The following VAV3 variants were observed in gnomAD, a reference collection of about 807,000 sequenced individuals.
The protein encoded by VAV3 is vav guanine nucleotide exchange factor 3, also known as guanine nucleotide exchange factor VAV3.
VAV3 carries 94 observed loss-of-function variants against 131.2 expected under a neutral mutation model. The observed-to-expected ratio is 0.72, with a 90% CI of 0.61 to 0.85. The LOEUF is 0.85. VAV3 is among the 40% of genes least tolerant of loss of function. VAV3 has a pLI of 0.00. For synonymous variants in VAV3, 349 were observed against 342.0 expected, an observed-to-expected ratio of 1.02 and a Z score of -0.22; for missense variants, 939 against 1,002.7, an observed-to-expected ratio of 0.94 and a Z score of 0.86.
intron 2 of VAV3, among the ~76,000 whole-genome samples, chr1:107,815,665 G>C (rs144258993): frequency 1.3e-5 from 2 of 152,258 alleles, no homozygotes; most frequent in Non-Finnish European, 2.9e-5. Context: ...CTTCTTTAAA[G>C]AAGATAGGAT....
chr1:107,879,855 T>A (rs966111056), intron 1 of VAV3, among the ~76,000 whole-genome samples: 1 of 152,050 alleles, frequency 6.6e-6, no homozygotes, highest in Non-Finnish European at 1.5e-5. Flanking sequence ...CATATAAGAG[T>A]TGCCAAGTAA....
At chr1:107,639,482 A>C (rs991539623) in intron 20 of VAV3, among the ~76,000 whole-genome samples, 3 of 152,194 alleles carry the variant, frequency 2.0e-5, no homozygotes, top group Admixed American at 2.0e-4. Flanking sequence ...AAATAATAAA[A>C]AAATGCATGG....
intron 4 of VAV3, among the ~76,000 whole-genome samples, chr1:107,773,853 A>C (rs987213045): frequency 2.0e-5 from 3 of 152,124 alleles, no homozygotes; most frequent in Non-Finnish European, 4.4e-5. Flanking sequence ...AAATGATGAA[A>C]AAACAGGTTC....
At chr1:107,885,048 G>T (rs992966109) in intron 1 of VAV3, among the ~76,000 whole-genome samples, 1 of 152,044 alleles carries the variant, frequency 6.6e-6, no homozygotes, top group South Asian at 2.1e-4. Flanking sequence ...AAGCATGGAG[G>T]GTATCTAGGC....
chr1:107,919,825 A>G (rs1159958719), intron 1 of VAV3, among the ~76,000 whole-genome samples: 1 of 152,196 alleles, frequency 6.6e-6, no homozygotes, highest in African/African-American at 2.4e-5. Context: ...AAGAACAGAA[A>G]GAAAATTAAT....
In VAV3 at chr1:107,631,654, A is replaced by T. The variant is rs879662146; in HGVS notation, c.1914+10965T>A. Among the ~76,000 whole-genome samples the T allele has an allele frequency of 9.6e-3, 1,068 of 110,830 alleles. 13 individuals carry two copies. Among genetic ancestry groups the T allele is most frequent in the East Asian group, 0.02 (69 of 3,476 alleles). The allele number at this position is 110,830 out of a possible 152,430, so 72.7% of individuals were successfully genotyped here. ...CCCCCCACCCCACAACAGGCCCCAG[A>T]GTGTGATGTTCCCCTTCCTGTGTCC... On this transcript the variant is annotated intron_variant, in intron 20 of 26. Coordinates refer to ENST00000370056, the MANE Select transcript of VAV3 (RefSeq NM_006113.5).
intron 15 of VAV3, among the ~76,000 whole-genome samples, chr1:107,738,485 CAT>C (rs1397095621): frequency 6.6e-6 from 1 of 152,192 alleles, no homozygotes; most frequent in Non-Finnish European, 1.5e-5. Context: ...ATGCACAATA[CAT>C]AGTCTTATTC....
chr1:107,654,812 A>C (rs1162397089), intron 19 of VAV3, among the ~76,000 whole-genome samples: 2 of 152,100 alleles, frequency 1.3e-5, no homozygotes, highest in Non-Finnish European at 2.9e-5. Flanking sequence ...TCTAACAGGG[A>C]AAAGGAAAAT....
chr1:107,793,637 T>C lies in VAV3; in HGVS notation c.322-14145A>G, dbSNP rs1666404884. On this transcript the variant is annotated intron_variant, in intron 2 of 26. Coordinates refer to ENST00000370056, the MANE Select transcript of VAV3 (RefSeq NM_006113.5). ...TGGATTCAGGATGAGGGATATGAGA[T>C]ACAGTTGAAGTTGCAGGTTGGAGGT... Among the ~76,000 whole-genome samples the C allele has an allele frequency of 2.0e-5, 3 of 152,206 alleles. No homozygotes were observed. In the South Asian group the frequency reaches 6.2e-4, roughly 31 times the overall value.
At chr1:107,796,008 G>A (rs1009717353) in intron 2 of VAV3, among the ~76,000 whole-genome samples, 2 of 152,094 alleles carry the variant, frequency 1.3e-5, no homozygotes, top group African/African-American at 2.4e-5. Context: ...AAGCTCAAGA[G>A]TGGGGTGACT....
chr1:107,794,532 TC>T (rs1463413388), intron 2 of VAV3, among the ~76,000 whole-genome samples: 4 of 152,236 alleles, frequency 2.6e-5, no homozygotes, highest in Admixed American at 2.6e-4. Flanking sequence ...ATTTTGAGAT[TC>T]CCTTCTCTCT....
chr1:107,741,221 C>T (rs1279912110), intron 15 of VAV3, among the ~76,000 whole-genome samples: 1 of 152,156 alleles, frequency 6.6e-6, no homozygotes, highest in Non-Finnish European at 1.5e-5. Context: ...TGTTGCCAAA[C>T]CTTTAATAAT....
intron 21 of VAV3, among the ~76,000 whole-genome samples, chr1:107,615,336 C>T (rs971723110): frequency 1.9e-4 from 29 of 152,086 alleles, no homozygotes; most frequent in African/African-American, 6.5e-4. Flanking sequence ...GCAAATAACA[C>T]GTTCTCACTT....
intron 15 of VAV3, among the ~76,000 whole-genome samples, chr1:107,731,159 A>G (rs1321792179): frequency 6.6e-6 from 1 of 152,210 alleles, no homozygotes; most frequent in Admixed American, 6.5e-5. Context: ...CATCCTTTAA[A>G]TACTCAAAAG....
chr1:107,681,744 C>T (rs1252168816), intron 19 of VAV3, among the ~76,000 whole-genome samples: 1 of 151,728 alleles, frequency 6.6e-6, no homozygotes, highest in Non-Finnish European at 1.5e-5. Context: ...AGTTCTGCCT[C>T]CCGGGCTCAC....
At chr1:107,618,843 G>A (rs1463718416) in intron 20 of VAV3, among the ~76,000 whole-genome samples, 1 of 152,174 alleles carries the variant, frequency 6.6e-6, no homozygotes, top group East Asian at 1.9e-4. Flanking sequence ...ATAAAAAGTA[G>A]TTAGGAAACA....
intron 24 of VAV3, among the ~76,000 whole-genome samples, chr1:107,600,203 AAT>A (rs1354840479): frequency 6.6e-6 from 1 of 152,218 alleles, no homozygotes; most frequent in Non-Finnish European, 1.5e-5. Flanking sequence ...GTAAGGACTC[AAT>A]ATAAATTTGC....
chr1:107,936,932 G>A (rs1188330281), intron 1 of VAV3, among the ~76,000 whole-genome samples: 5 of 151,994 alleles, frequency 3.3e-5, no homozygotes, highest in Admixed American at 6.6e-5. Context: ...CATCTGAGAG[G>A]GCACCCCTTT....
At chr1:107,701,412 A>C (rs1365851927) in intron 17 of VAV3, among the ~76,000 whole-genome samples, 3 of 151,690 alleles carry the variant, frequency 2.0e-5, no homozygotes, top group Non-Finnish European at 4.4e-5. Context: ...CCAAATCCTT[A>C]AGCTGCACAC....
Sources: gnomAD v4.1 joint callset for allele counts (sites outside exome capture counted in the v4.1 genomes callset) on GRCh38, gnomAD v4.1.1 for gene constraint, MANE v1.5 for transcripts, NCBI Gene and HGNC (gene_info 2026-07-23, HGNC 2026-07-21) for gene names.